Variants in VSTM4 observed in about 807,000 individuals in gnomAD.
The protein encoded by VSTM4 is V-set and transmembrane domain-containing protein 4.
VSTM4 carries 20 observed loss-of-function variants against 36.4 expected under a neutral mutation model. The observed-to-expected ratio is 0.55, with a 90% confidence interval of 0.39 to 0.80. The LOEUF is 0.80. VSTM4 is among the 30% of genes least tolerant of loss of function. The pLI is 0.00. For synonymous variants in VSTM4, 182 were observed against 173.9 expected, an observed-to-expected ratio of 1.05 and a Z score of -0.37; for missense variants, 392 against 404.5, an observed-to-expected ratio of 0.97 and a Z score of 0.26.
intron 7 of VSTM4, among the ~76,000 whole-genome samples, chr10:49,039,574 G>GCCTA (rs1459775405): frequency 6.6e-6 from 1 of 152,072 alleles, no homozygotes; most frequent in Non-Finnish European, 1.5e-5. Flanking sequence ...TAGAGAACAG[G>GCCTA]GGTGGCCTGA....
intron 5 of VSTM4, among the ~76,000 whole-genome samples, chr10:49,055,239 G>A (rs1843759271): frequency 6.6e-6 from 1 of 152,178 alleles, no homozygotes; most frequent in African/African-American, 2.4e-5. Flanking sequence ...ACACATCTTT[G>A]AAAGGTGTCG....
At chr10:49,057,672 T>G (rs1335409676) in intron 5 of VSTM4, among the ~76,000 whole-genome samples, 1 of 152,104 alleles carries the variant, frequency 6.6e-6, no homozygotes, top group Non-Finnish European at 1.5e-5. Context: ...TTGGATGCGG[T>G]GGGGACATGA....
chr10:49,056,285 T>C (rs1170208896), intron 5 of VSTM4, among the ~76,000 whole-genome samples: 1 of 152,270 alleles, frequency 6.6e-6, no homozygotes, highest in Admixed American at 6.5e-5. Flanking sequence ...CTGGCGTTTT[T>C]GTTTGTGCTA....
intron 4 of VSTM4, among the ~76,000 whole-genome samples, chr10:49,075,851 G>A (rs182158945): frequency 1.3e-5 from 2 of 152,300 alleles, no homozygotes; most frequent in East Asian, 3.9e-4. Flanking sequence ...GGCACCAAGG[G>A]CAATAGCAGC....
intron 4 of VSTM4, among the ~76,000 whole-genome samples, chr10:49,067,949 G>T (rs1368767797): frequency 1.3e-5 from 2 of 152,052 alleles, no homozygotes; most frequent in Non-Finnish European, 2.9e-5. Context: ...ACATCCTCCT[G>T]TATACTTTTA....
chr10:49,071,998 G>C (rs528330904), intron 4 of VSTM4, among the ~76,000 whole-genome samples: 2 of 152,240 alleles, frequency 1.3e-5, no homozygotes, highest in African/African-American at 4.8e-5. Flanking sequence ...GTGATGCAAA[G>C]TTTGTTATAG....
chr10:49,107,464 C>T (rs1317762148), intron 2 of VSTM4, 130 bp downstream of exon 2: 8 of 1,203,806 alleles, frequency 6.6e-6, no homozygotes, highest in Non-Finnish European at 9.1e-6. Flanking sequence ...ATGTCTGTGA[C>T]CAACAGAGGC....
intron 1 of VSTM4, among the ~76,000 whole-genome samples, chr10:49,112,925 G>C (rs2132033336): frequency 6.6e-6 from 1 of 152,348 alleles, no homozygotes; most frequent in Admixed American, 6.5e-5. Context: ...CGTTGTAGCT[G>C]AATAGAACAA....
chr10:49,087,988 A>G (rs183206793), intron 2 of VSTM4, among the ~76,000 whole-genome samples: 4,487 of 132,224 alleles, frequency 0.034, 99 homozygotes, highest in Non-Finnish European at 0.047. Context: ...TGTAATATAT[A>G]TGTGTATATA....
intron 4 of VSTM4, among the ~76,000 whole-genome samples, chr10:49,069,309 C>G (rs1211543136): frequency 6.6e-6 from 1 of 152,208 alleles, no homozygotes; most frequent in Non-Finnish European, 1.5e-5. Flanking sequence ...TGCACAGGCC[C>G]CGCAATAGGA....
intron 2 of VSTM4, among the ~76,000 whole-genome samples, chr10:49,093,713 C>T (rs2132010425): frequency 6.9e-6 from 1 of 144,274 alleles, no homozygotes; most frequent in Non-Finnish European, 1.5e-5. Flanking sequence ...TAGAATCCTT[C>T]TTGGCCCATA....
At chr10:49,067,669 T>C (rs537530368) in intron 4 of VSTM4, among the ~76,000 whole-genome samples, 6 of 152,338 alleles carry the variant, frequency 3.9e-5, no homozygotes, top group Admixed American at 3.9e-4. Flanking sequence ...GACACCTTGA[T>C]CTCAAGACTT....
In VSTM4 at chr10:49,103,566, A is replaced by G. The variant is rs186702481; in HGVS notation, c.457+4028T>C. On this transcript the variant is annotated intron_variant, in intron 2 of 7. Coordinates refer to ENST00000332853, the MANE Select transcript of VSTM4 (RefSeq NM_001031746.5). ...ACATATGGAAATCAGGACAGATAAT[A>G]AGAGCCAACACTCCTATGGCTCTTC... 2.4e-5 allele frequency: 33 copies of G among 1,382,056 alleles called. No individual in the cohort carries two copies. The African/African-American group carries it at 4.8e-4, about 20-fold the overall frequency. The allele number at this position is 1,382,056 out of a possible 1,614,324, so 85.6% of individuals were successfully genotyped here.
chr10:49,077,350 G>C, intron 3 of VSTM4, 24 bp from the exon 4 acceptor site: 1 of 1,611,658 alleles, frequency 6.2e-7, no homozygotes, highest in Non-Finnish European at 8.5e-7. Context: ...ACAGACACGT[G>C]AGTCAGCCTT....
intron 5 of VSTM4, among the ~76,000 whole-genome samples, chr10:49,062,334 T>C (rs1006545253): frequency 1.3e-5 from 2 of 152,224 alleles, no homozygotes; most frequent in Non-Finnish European, 2.9e-5. Flanking sequence ...TTCAAGATTA[T>C]ATTTTAGTCA....
chr10:49,051,693 G>A (rs1843701185), intron 5 of VSTM4, among the ~76,000 whole-genome samples: 1 of 152,220 alleles, frequency 6.6e-6, no homozygotes, highest in African/African-American at 2.4e-5. Context: ...ACTGCTCCCA[G>A]CCTGATAGCT....
intron 7 of VSTM4, among the ~76,000 whole-genome samples, chr10:49,029,605 A>C (rs1287215875): frequency 6.6e-6 from 1 of 152,238 alleles, no homozygotes; most frequent in African/African-American, 2.4e-5. Context: ...CTATGCTCTG[A>C]TGTGAATGCC....
intron 4 of VSTM4, among the ~76,000 whole-genome samples, chr10:49,068,148 C>T (rs1590102868): frequency 6.6e-6 from 1 of 152,094 alleles, no homozygotes; most frequent in East Asian, 1.9e-4. Flanking sequence ...ACCAACTGTA[C>T]TCTGCACCAT....
chr10:49,056,918 T>C (rs4264085), intron 5 of VSTM4, among the ~76,000 whole-genome samples: 26,466 of 152,142 alleles, frequency 0.17, 2,644 homozygotes, highest in Non-Finnish European at 0.23. Context: ...GGTGCTGGCA[T>C]CTGCTTCTGG....
Sources: allele counts gnomAD v4.1 joint callset (sites outside exome capture counted in the v4.1 genomes callset), GRCh38; gene constraint gnomAD v4.1.1; transcripts MANE v1.5; gene names NCBI Gene and HGNC (gene_info 2026-07-23, HGNC 2026-07-21).